The following C4orf51 variants were observed in gnomAD, a reference collection of about 807,000 sequenced individuals.
The protein encoded by C4orf51 is chromosome 4 open reading frame 51.
In C4orf51, 25 loss-of-function variants were observed where a neutral mutation model predicts 25.2. The ratio of observed to expected loss-of-function variants is 0.99; its 90% confidence interval spans 0.72 to 1.39. The LOEUF is 1.39. C4orf51 is among the 40% of genes most tolerant of loss of function. C4orf51 has a pLI of 0.00. For synonymous variants in C4orf51, 100 were observed against 84.5 expected, an observed-to-expected ratio of 1.18 and a Z score of -1.01; for missense variants, 252 against 239.6, an observed-to-expected ratio of 1.05 and a Z score of -0.34.
At chr4:145,784,494 T>C in the C4orf51 span, among the ~76,000 whole-genome samples, 4 of 152,208 alleles carry the variant, frequency 2.6e-5, no homozygotes, top group East Asian at 5.8e-4. Flanking sequence ...GAACTCTCCA[T>C]ATTCATTATC....
downstream of C4orf51, among the ~76,000 whole-genome samples, chr4:145,771,873 A>AG (rs1467539840): frequency 2.0e-5 from 3 of 152,248 alleles, no homozygotes; most frequent in Non-Finnish European, 4.4e-5. Flanking sequence ...TTCCTAAGAC[A>AG]GGAAAATCAA....
chr4:145,761,454 G>T lies in C4orf51; in HGVS notation n.167-9534G>T. On this transcript the variant is annotated intron_variant and non_coding_transcript_variant, in intron 1 of 1. Transcript: ENST00000510096. The surrounding 1 kb of genome is among the most constrained non-coding windows in gnomAD (Gnocchi z 6.8). ...CGCACTTGTAGTGGTTGCCCAGGCG[G>T]TGCTCCCGGGTGTGCGTCTCCAGCT... The T allele has an allele frequency of 7.8e-7, 1 of 1,289,852 alleles. No homozygotes were observed. The highest frequency in any genetic ancestry group is 1.0e-6 in the Non-Finnish European group (1 of 988,870). The allele number at this position is 1,289,852 out of a possible 1,614,324, so 79.9% of individuals were successfully genotyped here.
downstream of C4orf51, among the ~76,000 whole-genome samples, chr4:145,755,973 A>C (rs1163161716): frequency 2.6e-5 from 4 of 152,278 alleles, no homozygotes; most frequent in Non-Finnish European, 5.9e-5. Context: ...CACTGATGAA[A>C]TCACTCAGCT....
At chr4:145,695,126 C>T (rs551744937) in intron 1 of C4orf51, among the ~76,000 whole-genome samples, 2 of 152,278 alleles carry the variant, frequency 1.3e-5, no homozygotes, top group South Asian at 2.1e-4. Context: ...CTGGGCAGAA[C>T]GGTAGTTCTA....
intron 1 of C4orf51, among the ~76,000 whole-genome samples, chr4:145,694,393 G>A (rs1315806824): frequency 5.0e-5 from 7 of 140,034 alleles, no homozygotes; most frequent in Non-Finnish European, 1.1e-4. Context: ...CCCTCCACCC[G>A]GCCAGCCGCC....
chr4:145,702,152 A>G (rs1202876163), intron 2 of C4orf51, among the ~76,000 whole-genome samples: 4 of 151,928 alleles, frequency 2.6e-5, no homozygotes, highest in African/African-American at 9.7e-5. Context: ...GGCTTCTAAA[A>G]CCTATAAACT....
intron 1 of C4orf51, 31 bp from the exon 2 acceptor site, chr4:145,696,528 G>A (rs769123775): frequency 3.2e-6 from 5 of 1,547,576 alleles, no homozygotes; most frequent in African/African-American, 2.7e-5. Context: ...CCATAAATTT[G>A]TAACTTGTTT....
At chr4:145,769,723 T>C (rs1471183138) in intron 1 of C4orf51, among the ~76,000 whole-genome samples, 2 of 152,158 alleles carry the variant, frequency 1.3e-5, no homozygotes, top group African/African-American at 4.8e-5. Context: ...GTCATTTACC[T>C]TCTTCAGCAT....
intron 1 of C4orf51, among the ~76,000 whole-genome samples, chr4:145,693,898 C>G (rs1183599112): frequency 4.7e-4 from 66 of 139,218 alleles, no homozygotes; most frequent in African/African-American, 1.8e-3. Flanking sequence ...ACGCTCCTCA[C>G]TTCCCAGATG....
chr4:145,697,971 A>T (rs950654182), intron 2 of C4orf51, among the ~76,000 whole-genome samples: 1 of 152,178 alleles, frequency 6.6e-6, no homozygotes, highest in African/African-American at 2.4e-5. Context: ...TTTCCTTTTC[A>T]CACATCTTTG....
intron 5 of C4orf51, 142 bp downstream of exon 5, chr4:145,730,107 C>T (rs1732378250): frequency 5.9e-6 from 4 of 683,692 alleles, no homozygotes; most frequent in Non-Finnish European, 1.0e-5. Context: ...AAGTTACAAT[C>T]AGGCAAAAAG....
At chr4:145,709,271 T>C (rs1318299600) in intron 2 of C4orf51, among the ~76,000 whole-genome samples, 1 of 152,212 alleles carries the variant, frequency 6.6e-6, no homozygotes, top group Non-Finnish European at 1.5e-5. Context: ...TGAGGCCCTA[T>C]GCAGGTGAAA....
At chr4:145,716,975 A>G (rs28407077) in intron 2 of C4orf51, among the ~76,000 whole-genome samples, 13,493 of 152,262 alleles carry the variant, frequency 0.089, 672 homozygotes, top group Middle Eastern at 0.15. Flanking sequence ...TAGCTTGAAG[A>G]CAAGTCTGAG....
chr4:145,748,611 C>T (rs775901987), intron 1 of C4orf51, among the ~76,000 whole-genome samples: 20 of 152,030 alleles, frequency 1.3e-4, no homozygotes, highest in African/African-American at 1.2e-4. Context: ...CATTTTTCAA[C>T]GTTCTTCTTA....
chr4:145,786,036 A>G, the C4orf51 span, among the ~76,000 whole-genome samples: 4 of 152,214 alleles, frequency 2.6e-5, no homozygotes, highest in African/African-American at 4.8e-5. Flanking sequence ...CTAACAGCCA[A>G]TCCTCTCTGA....
chr4:145,781,888 A>C, the C4orf51 span, among the ~76,000 whole-genome samples: 1 of 152,272 alleles, frequency 6.6e-6, no homozygotes, highest in African/African-American at 2.4e-5. Context: ...AATATCAAAT[A>C]AGTAGATGCA....
chr4:145,703,792 G>A (rs1018429320), intron 2 of C4orf51, among the ~76,000 whole-genome samples: 1 of 152,164 alleles, frequency 6.6e-6, no homozygotes, highest in African/African-American at 2.4e-5. Context: ...GTGTAAGATA[G>A]GAGTACAATT....
chr4:145,776,610 G>C, the C4orf51 span, among the ~76,000 whole-genome samples: 2 of 150,550 alleles, frequency 1.3e-5, no homozygotes, highest in Non-Finnish European at 3.0e-5. Flanking sequence ...GTGCATGTCT[G>C]TTTGTGTGTG....
At chr4:145,703,869 A>G (rs1730624504) in intron 2 of C4orf51, among the ~76,000 whole-genome samples, 1 of 152,262 alleles carries the variant, frequency 6.6e-6, no homozygotes, top group Non-Finnish European at 1.5e-5. Flanking sequence ...TGTGGGAGCC[A>G]TAGGCTCTTG....
Sources: allele counts gnomAD v4.1 joint callset (sites outside exome capture counted in the v4.1 genomes callset), GRCh38; gene constraint gnomAD v4.1.1; non-coding constraint Gnocchi (gnomAD v3.1); transcripts MANE v1.5; gene names NCBI Gene and HGNC (gene_info 2026-07-23, HGNC 2026-07-21).